The following ZNF69 variants were observed in gnomAD, a reference collection of about 807,000 sequenced individuals.
ZNF69 encodes the protein ZNF3.
ZNF69 carries 47 observed loss-of-function variants against 50.9 expected under a neutral mutation model. That is an observed-to-expected ratio of 0.92 (90% confidence interval 0.73 to 1.18). ZNF69 has a LOEUF of 1.18. Among genes scored for constraint, ZNF69 ranks in the 50% most tolerant of loss-of-function variants. The pLI is 0.00. For missense variants in ZNF69, 717 were observed against 675.1 expected (o/e 1.06, Z -0.69); for synonymous variants, 216 against 223.1 (o/e 0.97, Z 0.29).
the ZNF69 span, chr19:11,978,347 A>G: frequency 6.2e-6 from 10 of 1,614,232 alleles, no homozygotes; most frequent in Non-Finnish European, 8.5e-6. Flanking sequence ...ACTATGCACC[A>G]AAGCCATATA....
chr19:11,923,203 C>A, the ZNF69 span, among the ~76,000 whole-genome samples: 2 of 152,186 alleles, frequency 1.3e-5, no homozygotes, highest in Non-Finnish European at 2.9e-5. Context: ...ATCCTTTGAT[C>A]CCATTTTGCA....
chr19:11,962,881 G>C, the ZNF69 span, among the ~76,000 whole-genome samples: 1 of 152,118 alleles, frequency 6.6e-6, no homozygotes, highest in Non-Finnish European at 1.5e-5. Flanking sequence ...TGATGAATTT[G>C]ATAAAGTTTA....
the ZNF69 span, among the ~76,000 whole-genome samples, chr19:11,921,491 T>C: frequency 2.6e-5 from 3 of 115,886 alleles, no homozygotes; most frequent in Non-Finnish European, 4.8e-5. Context: ...ATTTCTTTTG[T>C]TTGTTTGTTT....
chr19:11,974,125 CT>C, the ZNF69 span, among the ~76,000 whole-genome samples: 16,553 of 58,360 alleles, frequency 0.28, 1,096 homozygotes, highest in African/African-American at 0.36. Flanking sequence ...TTCTTTCTTT[CT>C]TTTCTTTCTT....
At chr19:11,889,257 C>G (rs147324150) in intron 1 of ZNF69, among the ~76,000 whole-genome samples, 51 of 152,156 alleles carry the variant, frequency 3.4e-4, no homozygotes, top group Admixed American at 9.8e-4. Context: ...TTGGTATCTT[C>G]TTGCCACAAG....
chr19:11,895,011 C>T (rs1977191153), intron 1 of ZNF69, among the ~76,000 whole-genome samples: 1 of 152,150 alleles, frequency 6.6e-6, no homozygotes, highest in Non-Finnish European at 1.5e-5. Context: ...CTTCGGTGAG[C>T]AGGATGGGGG....
At chr19:11,933,707 C>T in the ZNF69 span, among the ~76,000 whole-genome samples, 1 of 147,740 alleles carries the variant, frequency 6.8e-6, no homozygotes, top group South Asian at 2.1e-4. Context: ...CTTGACAACT[C>T]ATGTATTTTT....
At chr19:11,899,184 A>G (rs1972191107) in intron 1 of ZNF69, among the ~76,000 whole-genome samples, 1 of 152,222 alleles carries the variant, frequency 6.6e-6, no homozygotes, top group African/African-American at 2.4e-5. Context: ...TTTCCAGAAT[A>G]TCACATATTT....
chr19:11,890,194 T>A (rs1305190793), intron 1 of ZNF69, among the ~76,000 whole-genome samples: 1 of 151,918 alleles, frequency 6.6e-6, no homozygotes, highest in East Asian at 1.9e-4. Context: ...CCTTTAGGGG[T>A]GTCAGGCTGG....
rs781103051 is a variant in ZNF69, at chr19:11,904,738, T to C, written c.341T>C (p.Phe114Ser). 2 of 1,613,838 alleles carry C rather than the reference T, an allele frequency of 1.2e-6. No homozygotes were observed. Among genetic ancestry groups the C allele is most frequent in the African/African-American group, 2.7e-5 (2 of 74,908 alleles). ...CAGGTTCCAGATGACAGGCTGAACT[T>C]CCAGGAGAAGAAAGCTTCTCCTGAA... ...FTQVPDDRLN[F>S]QEKKASPEIK... The change falls in exon 4 of 4, where the codon TTC (phenylalanine) becomes TCC (serine). Residue 114 changes from phenylalanine (F) to serine (S), a missense_variant. Coordinates refer to ENST00000429654, the MANE Select transcript of ZNF69 (RefSeq NM_001364730.1).
At chr19:11,949,914 A>G in the ZNF69 span, 12 of 1,613,588 alleles carry the variant, frequency 7.4e-6, no homozygotes, top group African/African-American at 1.3e-5. Context: ...AAGCCTTCAG[A>G]TCTGCCTCAA....
At chr19:11,967,677 A>G in the ZNF69 span, among the ~76,000 whole-genome samples, 11 of 152,200 alleles carry the variant, frequency 7.2e-5, no homozygotes, top group African/African-American at 2.7e-4. Flanking sequence ...TGCTGGGATT[A>G]CAGGCGTGAG....
At position 11,897,265 on chromosome 19, in the gene ZNF69, T is replaced by G. The variant is rs147916230; in HGVS notation, c.64-6308T>G. Among the ~76,000 whole-genome samples the G allele has an allele frequency of 4.4e-3, 672 of 152,248 alleles. 14 individuals are homozygous for G. The East Asian group carries it at 0.052, about 12-fold the overall frequency. ...GGGAGGCTGAGGCAGGAGAATCACT[T>G]GAACCTGGGAGGCCAAGGTGGCGGT... On this transcript the variant is annotated intron_variant, in intron 1 of 3. Coordinates refer to ENST00000429654, the MANE Select transcript of ZNF69 (RefSeq NM_001364730.1).
At chr19:11,975,571 G>C in the ZNF69 span, among the ~76,000 whole-genome samples, 1 of 151,694 alleles carries the variant, frequency 6.6e-6, no homozygotes, top group Non-Finnish European at 1.5e-5. Context: ...CCAATTTTTC[G>C]TATTTTTAGT....
chr19:11,924,431 CAAAA>C, the ZNF69 span, among the ~76,000 whole-genome samples: 10 of 65,210 alleles, frequency 1.5e-4, no homozygotes, highest in East Asian at 5.1e-4. Context: ...GACTCCGTCT[CAAAA>C]AAAAAAAAAA....
chr19:11,909,061 A>G (rs1972420287), downstream of ZNF69, among the ~76,000 whole-genome samples: 2 of 152,250 alleles, frequency 1.3e-5, no homozygotes, highest in Admixed American at 1.3e-4. Flanking sequence ...GAAATAAACT[A>G]GAAAATCTAG....
the ZNF69 span, chr19:11,949,520 T>A: frequency 6.2e-7 from 1 of 1,609,710 alleles, no homozygotes; most frequent in South Asian, 1.1e-5. Flanking sequence ...GAAAAACACA[T>A]AAGAATGCCC....
the ZNF69 span, chr19:11,940,030 C>G: frequency 6.6e-6 from 1 of 150,972 alleles, no homozygotes; most frequent in South Asian, 2.1e-4. Context: ...CTTTCAGGTT[C>G]AAGCAATTCT....
chr19:11,977,248 TAGAC>T, the ZNF69 span: 8 of 1,605,442 alleles, frequency 5.0e-6, no homozygotes, highest in Non-Finnish European at 6.8e-6. Flanking sequence ...ATTTGGAACA[TAGAC>T]AGGAAATACT....
Sources: allele counts gnomAD v4.1 joint callset (sites outside exome capture counted in the v4.1 genomes callset), GRCh38; gene constraint gnomAD v4.1.1; transcripts MANE v1.5; gene names NCBI Gene and HGNC (gene_info 2026-07-23, HGNC 2026-07-21).